The following TNN variants were observed in gnomAD, a reference collection of about 807,000 sequenced individuals.
TNN encodes tenascin N.
TNN carries 122 observed loss-of-function variants against 134.4 expected under a neutral mutation model. The ratio of observed to expected loss-of-function variants is 0.91; its 90% confidence interval spans 0.78 to 1.06. The LOEUF is 1.06. Ranked by LOEUF, TNN falls within the 50% of genes least tolerant of loss-of-function variation. The probability of loss-of-function intolerance (pLI) is 0.00; values close to 1 mark genes in which losing one functional copy is unlikely to be tolerated. For missense variants in TNN, 1,739 were observed against 1,699.4 expected (o/e 1.02, Z -0.41); for synonymous variants, 710 against 670.3 (o/e 1.06, Z -0.91).
chr1:175,126,977 T>C lies in TNN; in HGVS notation c.2937T>C (p.Leu979=), dbSNP rs762436104. The C allele has an allele frequency of 6.2e-7, 1 of 1,613,778 alleles. No individual in the cohort carries two copies. ...AQTELDPPRN[L]RPSAVTQSGG... is the part of the protein sequence containing the mutation. ...CAGAACTCGACCCTCCCAGAAACCTTCGTCCATCTGCTGTAACGCAGTCTG... is the reference window on the plus strand; with the variant it reads ...CAGAACTCGACCCTCCCAGAAACCTCCGTCCATCTGCTGTAACGCAGTCTG... Residue 979 remains leucine (L), a synonymous_variant, in exon 13 of 19, where the codon CTT becomes CTC. Transcript: ENST00000239462.
chr1:175,071,155 G>A (rs890645118), intron 1 of TNN, among the ~76,000 whole-genome samples: 3 of 152,186 alleles, frequency 2.0e-5, no homozygotes, highest in Admixed American at 6.5e-5. Context: ...TAACTGTCAA[G>A]GCAGGATGAG....
chr1:175,077,424 T>C lies in TNN; in HGVS notation c.6T>C (p.Ser2=), dbSNP rs1318779467. 3 of 1,611,970 alleles carry C rather than the reference T, an allele frequency of 1.9e-6. No homozygotes were observed. The African/African-American group carries it at 4.0e-5, about 22-fold the overall frequency. M[S]LQEMFRFPMG... ...TGCTCCCTGTCTTTCCAAGGATGAGTCTCCAGGAGATGTTCCGCTTCCCTA... is the reference window on the plus strand; with the variant it reads ...TGCTCCCTGTCTTTCCAAGGATGAGCCTCCAGGAGATGTTCCGCTTCCCTA... The change falls in exon 2 of 19, where the codon AGT becomes AGC. Residue 2 remains serine (S), a synonymous_variant. Coordinates refer to ENST00000239462, the MANE Select transcript of TNN (RefSeq NM_022093.2).
intron 9 of TNN, among the ~76,000 whole-genome samples, chr1:175,115,317 TG>T (rs1348532291): frequency 2.0e-5 from 3 of 147,310 alleles, no homozygotes; most frequent in African/African-American, 7.5e-5. Flanking sequence ...CATTGTTCCC[TG>T]GGGAGCTTCC....
At chr1:175,068,886 C>T (rs1558343911) in intron 1 of TNN, among the ~76,000 whole-genome samples, 1 of 152,104 alleles carries the variant, frequency 6.6e-6, no homozygotes, top group Non-Finnish European at 1.5e-5. Flanking sequence ...CCAGCCTGGG[C>T]AACAAGAGCA....
intron 18 of TNN, 119 bp downstream of exon 18, chr1:175,144,669 T>A: frequency 1.8e-6 from 2 of 1,111,924 alleles, no homozygotes; most frequent in Non-Finnish European, 2.5e-6. Flanking sequence ...GTCAAAGCAG[T>A]AGAGCTTCTC....
intron 1 of TNN, among the ~76,000 whole-genome samples, chr1:175,069,882 A>C (rs893731163): frequency 6.6e-6 from 1 of 152,246 alleles, no homozygotes; most frequent in Non-Finnish European, 1.5e-5. Flanking sequence ...CTGGAACTTT[A>C]AAGTTACTTC....
Position 175,106,949 on chromosome 1 carries a change from C to T in TNN, c.2119+8354C>T, listed in dbSNP as rs1264711288. ...CACTTTTAAATGGCTGACAGATGCC[C>T]GGTATTTAGCCCCCGAATTCTAAAG... On this transcript the variant is annotated intron_variant, in intron 9 of 18. Coordinates refer to ENST00000239462, the MANE Select transcript of TNN (RefSeq NM_022093.2). Among the ~76,000 whole-genome samples the T allele has an allele frequency of 3.4e-5, 5 of 145,898 alleles. 1 individual carries two copies. The highest frequency in any genetic ancestry group is 4.6e-4 in the East Asian group (2 of 4,358).
intron 5 of TNN, 60 bp from the exon 6 acceptor site, chr1:175,085,345 G>A (rs1674297555): frequency 9.5e-7 from 1 of 1,053,242 alleles, no homozygotes; most frequent in Non-Finnish European, 1.5e-6. Flanking sequence ...GGGAGGAGTA[G>A]TGCTGGGGAG....
chr1:175,135,969 G>T, intron 16 of TNN, 28 bp downstream of exon 16: 1 of 1,524,344 alleles, frequency 6.6e-7, no homozygotes, highest in African/African-American at 1.4e-5. Context: ...AGGAGGCTGG[G>T]GCTGTGGGGG....
chr1:175,143,413 A>G (rs1675984824), intron 17 of TNN, among the ~76,000 whole-genome samples: 1 of 152,222 alleles, frequency 6.6e-6, no homozygotes, highest in South Asian at 2.1e-4. Flanking sequence ...CAGGAGATAC[A>G]TAAGCAAAAT....
chr1:175,136,124 A>G (rs1440805141), intron 16 of TNN, among the ~76,000 whole-genome samples, 183 bp downstream of exon 16: 1 of 152,062 alleles, frequency 6.6e-6, no homozygotes, highest in Non-Finnish European at 1.5e-5. Flanking sequence ...TGCACTCTGA[A>G]CTTGTTGAAA....
intron 17 of TNN, 63 bp from the exon 18 acceptor site, chr1:175,144,324 T>C: frequency 1.3e-6 from 2 of 1,514,930 alleles, no homozygotes; most frequent in Admixed American, 3.6e-5. Flanking sequence ...TGCTGGGTCC[T>C]CTTTTGATCA....
chr1:175,085,330 TC>T, intron 5 of TNN, 74 bp from the exon 6 acceptor site: 2 of 924,852 alleles, frequency 2.2e-6, no homozygotes, highest in Non-Finnish European at 3.5e-6. Context: ...ACGGGAGAAA[TC>T]CCAGGGAGGA....
chr1:175,133,861 T>A (rs1675733068), intron 15 of TNN, among the ~76,000 whole-genome samples: 1 of 152,238 alleles, frequency 6.6e-6, no homozygotes, highest in South Asian at 2.1e-4. Flanking sequence ...GGATTCAGGC[T>A]GTTTCCAGCT....
At chr1:175,122,387 C>A (rs191545605) in intron 11 of TNN, among the ~76,000 whole-genome samples, 55 of 152,118 alleles carry the variant, frequency 3.6e-4, no homozygotes, top group African/African-American at 1.2e-3. Context: ...GACTCTGTAT[C>A]AACAAAACAA....
At chr1:175,146,327 C>A (rs1271476206) in intron 18 of TNN, among the ~76,000 whole-genome samples, 2 of 152,140 alleles carry the variant, frequency 1.3e-5, no homozygotes, top group Non-Finnish European at 2.9e-5. Flanking sequence ...TTATTATTTA[C>A]CTCACAAATT....
In TNN at chr1:175,077,452, G is replaced by C. The variant is rs749325159; in HGVS notation, c.34G>C (p.Gly12Arg). Reference sequence around the variant, plus strand: ...CCAGGAGATGTTCCGCTTCCCTATGGGGCTCCTGCTTGGCTCTGTGCTCCT... The same window carrying C: ...CCAGGAGATGTTCCGCTTCCCTATGCGGCTCCTGCTTGGCTCTGTGCTCCT... ...SLQEMFRFPM[G>R]LLLGSVLLVA... Residue 12 changes from glycine (G) to arginine (R), a missense_variant, in exon 2 of 19, where the codon GGG (glycine) becomes CGG (arginine). Transcript: ENST00000239462. 67 of 1,613,814 alleles carry C rather than the reference G, an allele frequency of 4.2e-5. No individual in the cohort carries two copies. Among genetic ancestry groups the C allele is most frequent in the Non-Finnish European group, 5.2e-5 (61 of 1,180,000 alleles).
chr1:175,085,961 G>A (rs1185254077), intron 6 of TNN, among the ~76,000 whole-genome samples: 3 of 151,866 alleles, frequency 2.0e-5, no homozygotes, highest in African/African-American at 7.3e-5. Flanking sequence ...TTTTTGGGCA[G>A]GGAAAGGGAA....
chr1:175,080,204 G>C lies in TNN; in HGVS notation c.826G>C (p.Asp276His). The C allele has an allele frequency of 1.9e-6, 3 of 1,614,096 alleles. No individual in the cohort carries two copies. The highest frequency in any genetic ancestry group is 2.5e-6 in the Non-Finnish European group (3 of 1,179,998). The stretch of plus-strand genomic sequence containing the variant: ...CCTGCAGCTGCTCAAGAACACGGAG[G>C]ATTCTCTGCTGGTGAGCTGGGAGCC... ...QGLQLLKNTE[D>H]SLLVSWEPSS... is the part of the protein sequence containing the mutation. The change falls in exon 4 of 19, where the codon GAT becomes CAT. Residue 276 changes from aspartate to histidine, a missense_variant. By Grantham distance (81) the Asp-to-His change is moderately conservative. Transcript: ENST00000239462.
Sources: allele counts gnomAD v4.1 joint callset (sites outside exome capture counted in the v4.1 genomes callset), GRCh38; gene constraint gnomAD v4.1.1; transcripts MANE v1.5; gene names NCBI Gene and HGNC (gene_info 2026-07-23, HGNC 2026-07-21).